RGS7: variants seen among roughly 807,000 people sequenced by gnomAD.
RGS7 encodes regulator of G-protein signaling 7.
A neutral mutation model predicts 81.1 loss-of-function variants in RGS7; 27 were observed. The observed-to-expected ratio is 0.33, with a 90% confidence interval of 0.25 to 0.46. The LOEUF (loss-of-function observed/expected upper bound fraction) is 0.46. RGS7 is among the 20% of genes least tolerant of loss of function. The pLI is 1.00. For synonymous variants in RGS7, 208 were observed against 207.7 expected (o/e 1.00, Z -0.01); for missense variants, 396 against 607.4 (o/e 0.65, Z 3.66).
intron 2 of RGS7, among the ~76,000 whole-genome samples, chr1:241,105,063 A>G (rs1181194379): frequency 1.3e-5 from 2 of 152,222 alleles, no homozygotes; most frequent in Admixed American, 1.3e-4. Context: ...AGAAATAGTG[A>G]CACAGAGTAG....
chr1:241,281,561 G>A (rs1352967089), intron 2 of RGS7, among the ~76,000 whole-genome samples: 2 of 152,194 alleles, frequency 1.3e-5, no homozygotes, highest in African/African-American at 4.8e-5. Flanking sequence ...GCAGAGAAAA[G>A]TCATGTGAGT....
At chr1:241,019,940 G>A (rs1276801788) in intron 3 of RGS7, among the ~76,000 whole-genome samples, 1 of 152,186 alleles carries the variant, frequency 6.6e-6, no homozygotes, top group African/African-American at 2.4e-5. Flanking sequence ...TTTTCTTGCT[G>A]TAACAAAGAT....
In RGS7 at chr1:240,864,098, C is replaced by T. The variant is rs1449918159; in HGVS notation, c.609+4489G>A. On this transcript the variant is annotated intron_variant, in intron 9 of 18. Coordinates refer to ENST00000440928, the MANE Select transcript of RGS7 (RefSeq NM_001364886.1). ...TCAGAAAACAAATGGTGCAGTCATA[C>T]TCATCCTGCTGTGTTAATGACTATG... 8.5e-5 allele frequency among the ~76,000 whole-genome samples: 13 copies of T among 152,262 alleles called. No individual in the cohort carries two copies. In the South Asian group the frequency reaches 1.2e-3, roughly 15 times the overall value.
Position 240,802,923 on chromosome 1 carries a change from A to G in RGS7, c.1340T>C (p.Leu447Pro). ...RFIRSSAYQE[L>P]LQAKKKSGNS... ...CAGTACCTTTTTCTTTGCCTGTAGA[A>G]GCTCCTGATAGGCACTGGATCTTAT... Residue 447 changes from leucine to proline, a missense_variant, in exon 16 of 19, where the codon CTT (leucine) becomes CCT (proline). By Grantham distance (98) the Leu-to-Pro change is moderately conservative. Transcript: ENST00000440928. The G allele has an allele frequency of 6.2e-7, 1 of 1,610,914 alleles. No individual in the cohort carries two copies. The highest frequency in any genetic ancestry group is 8.5e-7 in the Non-Finnish European group (1 of 1,177,268).
chr1:241,234,496 T>C (rs547686582), intron 2 of RGS7, among the ~76,000 whole-genome samples: 9 of 151,858 alleles, frequency 5.9e-5, no homozygotes, highest in East Asian at 1.9e-4. Context: ...TTTTTTTTTT[T>C]CTCCTTCTTG....
intron 2 of RGS7, among the ~76,000 whole-genome samples, chr1:241,192,743 A>T (rs1220004439): frequency 6.6e-6 from 1 of 152,124 alleles, no homozygotes; most frequent in African/African-American, 2.4e-5. Context: ...AATCAGGAGG[A>T]CTTTCTCTTT....
intron 6 of RGS7, among the ~76,000 whole-genome samples, chr1:240,926,855 T>TTA (rs1674528008): frequency 6.6e-6 from 1 of 152,210 alleles, no homozygotes; most frequent in Non-Finnish European, 1.5e-5. Context: ...GATATAGGCC[T>TTA]TTTAGTCCGT....
At chr1:241,219,123 G>A (rs776786131) in intron 2 of RGS7, among the ~76,000 whole-genome samples, 3 of 152,142 alleles carry the variant, frequency 2.0e-5, no homozygotes, top group Non-Finnish European at 4.4e-5. Flanking sequence ...CACATCTCTT[G>A]TAATAACTTC....
intron 9 of RGS7, among the ~76,000 whole-genome samples, chr1:240,855,479 G>A (rs1357191337): frequency 6.6e-6 from 1 of 150,944 alleles, no homozygotes; most frequent in Non-Finnish European, 1.5e-5. Context: ...CGCCCAGGCT[G>A]GAATGCAACG....
intron 2 of RGS7, among the ~76,000 whole-genome samples, chr1:241,335,556 C>T (rs574823902): frequency 6.6e-6 from 1 of 152,224 alleles, no homozygotes; most frequent in East Asian, 1.9e-4. Flanking sequence ...CCCTTTCTTC[C>T]TTCATACATT....
intron 2 of RGS7, among the ~76,000 whole-genome samples, chr1:241,309,584 G>A (rs1573613308): frequency 1.3e-5 from 2 of 152,194 alleles, no homozygotes; most frequent in Middle Eastern, 3.4e-3. Context: ...TTTGCCACTC[G>A]ACAGGAAAGA....
chr1:241,154,880 G>A (rs546672105), intron 2 of RGS7, among the ~76,000 whole-genome samples: 15 of 152,104 alleles, frequency 9.9e-5, no homozygotes, highest in African/African-American at 3.6e-4. Flanking sequence ...TCAACGGTGA[G>A]AGCAACCTGC....
chr1:241,250,442 A>G (rs2076772718), intron 2 of RGS7, among the ~76,000 whole-genome samples: 1 of 152,152 alleles, frequency 6.6e-6, no homozygotes, highest in African/African-American at 2.4e-5. Context: ...GGAGTCGCCA[A>G]TGTAAACCTG....
intron 3 of RGS7, among the ~76,000 whole-genome samples, chr1:241,078,047 T>C (rs776115966): frequency 7.9e-5 from 12 of 150,944 alleles, no homozygotes; most frequent in Admixed American, 2.0e-4. Flanking sequence ...CGTAATATTA[T>C]ATGTCATATA....
intron 2 of RGS7, among the ~76,000 whole-genome samples, chr1:241,200,446 A>G (rs1167964768): frequency 6.6e-6 from 1 of 152,170 alleles, no homozygotes; most frequent in African/African-American, 2.4e-5. Context: ...CATTCAGAAA[A>G]TCTTTGACAA....
At chr1:241,286,270 T>C (rs1365355395) in intron 2 of RGS7, among the ~76,000 whole-genome samples, 1 of 152,198 alleles carries the variant, frequency 6.6e-6, no homozygotes. Context: ...ATAAGAGAAC[T>C]AAGTGACTTG....
chr1:241,300,289 C>T (rs550001553), intron 2 of RGS7, among the ~76,000 whole-genome samples: 5 of 152,242 alleles, frequency 3.3e-5, no homozygotes, highest in East Asian at 1.9e-4. Flanking sequence ...CATAATCACC[C>T]GAAGTTCATA....
intron 9 of RGS7, among the ~76,000 whole-genome samples, chr1:240,842,542 T>C (rs1306297492): frequency 1.3e-5 from 2 of 152,024 alleles, no homozygotes; most frequent in African/African-American, 2.4e-5. Context: ...AGTTGAACTA[T>C]ACTGAATGGA....
chr1:241,317,917 G>GT lies in RGS7; in HGVS notation c.78+37781dup, dbSNP rs377084878. ...AAACACTGAATCATACGCCTTCCCA[G>GT]TTCTTCCGAGATTTCCTTTCAAGGC... On this transcript the variant is annotated intron_variant, in intron 2 of 18. Transcript: ENST00000440928. Among the ~76,000 whole-genome samples the GT allele has an allele frequency of 1.9e-3, 293 of 152,256 alleles. 1 individual carries two copies. The highest frequency in any genetic ancestry group is 6.9e-3 in the African/African-American group (287 of 41,560).
Sources: gnomAD v4.1 joint callset for allele counts (sites outside exome capture counted in the v4.1 genomes callset) on GRCh38, gnomAD v4.1.1 for gene constraint, MANE v1.5 for transcripts, NCBI Gene and HGNC (gene_info 2026-07-23, HGNC 2026-07-21) for gene names.